ATRN: variants seen among roughly 807,000 people sequenced by gnomAD.
ATRN encodes the protein attractin-2.
A neutral mutation model predicts 178.7 loss-of-function variants in ATRN; 54 were observed. That is an observed-to-expected ratio of 0.30 (90% CI 0.24 to 0.38). The LOEUF is 0.38. Among genes scored for constraint, ATRN ranks in the 10% least tolerant of loss-of-function variants. The pLI is 1.00. For missense variants in ATRN, 1,443 were observed against 1,815.1 expected, an observed-to-expected ratio of 0.79 and a Z score of 3.73; for synonymous variants, 636 against 663.0, an observed-to-expected ratio of 0.96 and a Z score of 0.63.
At chr20:3,592,837 G>C (rs1206288686) in intron 19 of ATRN, among the ~76,000 whole-genome samples, 1 of 152,184 alleles carries the variant, frequency 6.6e-6, no homozygotes, top group East Asian at 1.9e-4. Context: ...TCAATACTTA[G>C]TAGATGTGGG....
chr20:3,634,167 G>A (rs1182361067), intron 25 of ATRN, 144 bp from the exon 26 acceptor site: 5 of 654,838 alleles, frequency 7.6e-6, no homozygotes, highest in Admixed American at 2.6e-5. Context: ...CTCCTGAGCC[G>A]GCACATTGTT....
At chr20:3,552,159 T>C (rs1473356723) in intron 6 of ATRN, among the ~76,000 whole-genome samples, 1 of 152,220 alleles carries the variant, frequency 6.6e-6, no homozygotes, top group Non-Finnish European at 1.5e-5. Flanking sequence ...AGCTGGTTTC[T>C]CTTCAGCTGA....
chr20:3,551,343 A>C (rs2085783796), intron 6 of ATRN, among the ~76,000 whole-genome samples: 1 of 152,170 alleles, frequency 6.6e-6, no homozygotes, highest in Non-Finnish European at 1.5e-5. Flanking sequence ...GAGGTACATG[A>C]GTCTGACCCT....
Position 3,600,974 on chromosome 20 carries a change from A to T in ATRN, c.3593A>T (p.Asn1198Ile). The T allele has an allele frequency of 6.2e-7, 1 of 1,613,990 alleles. No individual in the cohort carries two copies. The highest frequency in any genetic ancestry group is 8.5e-7 in the Non-Finnish European group (1 of 1,179,884). ...AACAGGGATTTGGACATGTTCATCA[A>T]TGCCTCCAAGAATTTCAACCTCAAC... ...EQNRDLDMFI[N>I]ASKNFNLNIT... Residue 1198 changes from asparagine to isoleucine, a missense_variant, in exon 23 of 29, where the codon AAT becomes ATT. Asn to Ile is a moderately radical substitution (Grantham distance 149). Coordinates refer to ENST00000262919, the MANE Select transcript of ATRN (RefSeq NM_139321.3).
Position 3,604,390 on chromosome 20 carries a change from G to A in ATRN, c.3801+128G>A, listed in dbSNP as rs75451513. 1.4e-3 allele frequency: 1,531 copies of A among 1,059,238 alleles called. 17 individuals are homozygous for A. In the African/African-American group the frequency reaches 0.022, roughly 15 times the overall value. The allele number at this position is 1,059,238 out of a possible 1,614,324, so 65.6% of individuals were successfully genotyped here. On this transcript the variant is annotated intron_variant, in intron 24 of 28. Coordinates refer to ENST00000262919, the MANE Select transcript of ATRN (RefSeq NM_139321.3). ...TGGCTTTGCCTTTGTAACGTGTATG[G>A]CAGAGGAGTGCTGAGCACATGCATG...
chr20:3,490,447 T>A, intron 1 of ATRN: 1 of 940,444 alleles, frequency 1.1e-6, no homozygotes, highest in Non-Finnish European at 1.8e-6. Flanking sequence ...CTGAAGTTAC[T>A]CAAGCAGCAT....
intron 27 of ATRN, among the ~76,000 whole-genome samples, chr20:3,642,555 T>A (rs2087077580): frequency 6.6e-6 from 1 of 152,206 alleles, no homozygotes; most frequent in Non-Finnish European, 1.5e-5. Context: ...TCTGCCACTA[T>A]TCCCACTTGA....
chr20:3,594,420 T>G (rs1224928125), intron 19 of ATRN, 59 bp from the exon 20 acceptor site: 4 of 1,439,324 alleles, frequency 2.8e-6, no homozygotes, highest in Non-Finnish European at 3.8e-6. Context: ...GGAAAAAGTC[T>G]CCAATAGTCA....
chr20:3,636,955 G>T (rs2087029843), intron 26 of ATRN, among the ~76,000 whole-genome samples: 1 of 152,178 alleles, frequency 6.6e-6, no homozygotes, highest in South Asian at 2.1e-4. Flanking sequence ...ATGTAGTAGA[G>T]ATTTGCCTGC....
chr20:3,494,598 T>C (rs182511494), intron 1 of ATRN, among the ~76,000 whole-genome samples: 1 of 151,758 alleles, frequency 6.6e-6, no homozygotes, highest in East Asian at 1.9e-4. Flanking sequence ...TGAATGGAGG[T>C]GAAGGTAAAG....
At chr20:3,569,963 C>T (rs943912384) in intron 11 of ATRN, among the ~76,000 whole-genome samples, 3 of 151,506 alleles carry the variant, frequency 2.0e-5, no homozygotes, top group African/African-American at 7.3e-5. Context: ...CCCAACTACT[C>T]AGGAGGTTGA....
intron 14 of ATRN, among the ~76,000 whole-genome samples, chr20:3,578,132 C>T (rs1600124489): frequency 6.6e-6 from 1 of 152,308 alleles, no homozygotes; most frequent in South Asian, 2.1e-4. Context: ...GTACCTTCCA[C>T]CTGATGATAT....
chr20:3,646,923 G>T lies in ATRN; in HGVS notation c.*76G>T. 1.9e-6 allele frequency: 3 copies of T among 1,571,768 alleles called. No individual in the cohort carries two copies. The South Asian group carries it at 3.5e-5, about 18-fold the overall frequency. On this transcript the variant is annotated 3_prime_UTR_variant, in exon 29 of 29. Coordinates refer to ENST00000262919, the MANE Select transcript of ATRN (RefSeq NM_139321.3). ...AGCCATCTGCAGGGAAGGGCGTGGC[G>T]GGGAAATGGCTGTGCGGTGCGGGAC...
intron 1 of ATRN, among the ~76,000 whole-genome samples, chr20:3,512,107 A>ATATATATTTTTT: frequency 1.4e-3 from 151 of 106,322 alleles, no homozygotes; most frequent in African/African-American, 5.9e-3. Flanking sequence ...ATATATATAT[A>ATATATATTTTTT]TTTTTTTTTT....
chr20:3,476,752 C>T (rs754243603), intron 1 of ATRN, among the ~76,000 whole-genome samples: 3 of 152,118 alleles, frequency 2.0e-5, no homozygotes, highest in Non-Finnish European at 4.4e-5. Context: ...CCCAGCTACT[C>T]AGGAGGCTGA....
At chr20:3,492,989 ATCTATAAT>A (rs1266055749) in intron 1 of ATRN, among the ~76,000 whole-genome samples, 3 of 146,242 alleles carry the variant, frequency 2.1e-5, no homozygotes, top group African/African-American at 7.5e-5. Context: ...ATATATAATT[ATCTATAAT>A]TATGTAAAAT....
chr20:3,517,460 A>G (rs2146140730), intron 1 of ATRN, among the ~76,000 whole-genome samples: 1 of 152,030 alleles, frequency 6.6e-6, no homozygotes, highest in African/African-American at 2.4e-5. Flanking sequence ...CCATGCAGAA[A>G]CCATTGCAAT....
intron 1 of ATRN, among the ~76,000 whole-genome samples, chr20:3,526,740 C>T (rs1247224639): frequency 1.3e-5 from 2 of 152,016 alleles, no homozygotes. Flanking sequence ...ATATATAGAC[C>T]AATGGAACAG....
At chr20:3,575,688 A>G (rs2086198497) in intron 12 of ATRN, 139 bp from the exon 13 acceptor site, 1 of 944,894 alleles carries the variant, frequency 1.1e-6, no homozygotes, top group Non-Finnish European at 1.6e-6. Flanking sequence ...TTTAACCAGA[A>G]CATACCAAAT....
Sources: gnomAD v4.1 joint callset for allele counts (sites outside exome capture counted in the v4.1 genomes callset) on GRCh38, gnomAD v4.1.1 for gene constraint, MANE v1.5 for transcripts, NCBI Gene and HGNC (gene_info 2026-07-23, HGNC 2026-07-21) for gene names.